The following CYRIB variants were observed in gnomAD, a reference collection of about 807,000 sequenced individuals.
The protein encoded by CYRIB is CYFIP-related Rac1 interactor B.
In CYRIB, 8 loss-of-function variants were observed where a neutral mutation model predicts 44.2. The observed-to-expected ratio is 0.18, with a 90% CI of 0.11 to 0.33. CYRIB has a LOEUF of 0.33. Ranked by LOEUF, CYRIB falls within the 10% of genes least tolerant of loss-of-function variation. The pLI, the probability that CYRIB is intolerant of heterozygous loss-of-function variation, is 1.00. For synonymous variants in CYRIB, 131 were observed against 127.2 expected, an observed-to-expected ratio of 1.03 and a Z score of -0.20; for missense variants, 185 against 382.8, an observed-to-expected ratio of 0.48 and a Z score of 4.31.
chr8:129,914,181 T>G (rs1031590257), intron 1 of CYRIB, among the ~76,000 whole-genome samples: 7 of 152,160 alleles, frequency 4.6e-5, no homozygotes, highest in Non-Finnish European at 1.0e-4. Context: ...AGGAGAGGAT[T>G]TGCCAACAAA....
At chr8:129,873,846 T>C (rs1050452005) in intron 3 of CYRIB, among the ~76,000 whole-genome samples, 22 of 152,004 alleles carry the variant, frequency 1.4e-4, no homozygotes, top group African/African-American at 4.8e-4. Context: ...GATTTAAGTT[T>C]CCCTTTAGGG....
chr8:129,939,216 GGAA>G (rs1313797565), intron 1 of CYRIB, among the ~76,000 whole-genome samples: 2 of 152,084 alleles, frequency 1.3e-5, no homozygotes, highest in East Asian at 3.9e-4. Flanking sequence ...GCCGCGAAGA[GGAA>G]GGAGTGGTGG....
At chr8:129,998,076 G>A (rs576226523) in intron 1 of CYRIB, among the ~76,000 whole-genome samples, 116 of 144,396 alleles carry the variant, frequency 8.0e-4, no homozygotes, top group African/African-American at 2.9e-3. Context: ...AGCTGAGATC[G>A]CTCCACTGCA....
rs1220325800 is a variant in CYRIB at position 130,006,628 on chromosome 8, ACATATATATGTG to A, written c.-296+9730_-296+9741del. ...TATACATATATATGTGTATATATAT[ACATATATATGTG>A]TATATATATACATATATATATGTAT... On this transcript the variant is annotated intron_variant, in intron 1 of 14. Coordinates refer to the CYRIB transcript ENST00000401979. 1.1e-4 allele frequency among the ~76,000 whole-genome samples: 4 copies of A among 35,782 alleles called. 2 individuals carry two copies. The highest frequency in any genetic ancestry group is 2.0e-4 in the Non-Finnish European group (4 of 19,996). The allele number at this position is 35,782 out of a possible 152,430, so 23.5% of individuals were successfully genotyped here.
intron 2 of CYRIB, among the ~76,000 whole-genome samples, chr8:129,965,194 A>G (rs1282333798): frequency 6.6e-6 from 1 of 151,990 alleles, no homozygotes; most frequent in Non-Finnish European, 1.5e-5. Flanking sequence ...CCACCCACCC[A>G]AGACCCACAA....
At chr8:130,002,990 C>T (rs2096941532) in intron 1 of CYRIB, among the ~76,000 whole-genome samples, 1 of 152,206 alleles carries the variant, frequency 6.6e-6, no homozygotes, top group Non-Finnish European at 1.5e-5. Flanking sequence ...CAGCTTCTGC[C>T]TCTAGAGATG....
At chr8:129,855,993 T>C (rs2046028910) in intron 5 of CYRIB, among the ~76,000 whole-genome samples, 1 of 152,234 alleles carries the variant, frequency 6.6e-6, no homozygotes, top group Admixed American at 6.5e-5. Flanking sequence ...TATAATTCTG[T>C]AAACCCAGAT....
intron 2 of CYRIB, among the ~76,000 whole-genome samples, chr8:129,967,941 T>C (rs535984926): frequency 2.8e-4 from 42 of 152,334 alleles, no homozygotes; most frequent in African/African-American, 9.9e-4. Context: ...TACCCATCTC[T>C]TTATCGCTTA....
At chr8:129,892,844 A>G (rs1006962297) in intron 2 of CYRIB, among the ~76,000 whole-genome samples, 1 of 152,234 alleles carries the variant, frequency 6.6e-6, no homozygotes, top group African/African-American at 2.4e-5. Context: ...TGTACACAAT[A>G]TAATACCATT....
chr8:130,013,180 G>C (rs902858019), intron 1 of CYRIB, among the ~76,000 whole-genome samples: 2 of 152,134 alleles, frequency 1.3e-5, no homozygotes, highest in Admixed American at 1.3e-4. Flanking sequence ...ACTATTATAC[G>C]GGGTGTGCAA....
At chr8:130,007,199 G>A (rs1206041474) in intron 1 of CYRIB, among the ~76,000 whole-genome samples, 2 of 152,138 alleles carry the variant, frequency 1.3e-5, no homozygotes, top group African/African-American at 2.4e-5. Flanking sequence ...GATGCCCGCC[G>A]TTATGAGATG....
rs1013640011 is a variant in CYRIB at position 129,850,798 on chromosome 8, A to G, written c.713+37T>C. 7.1e-6 allele frequency: 10 copies of G among 1,406,676 alleles called. No homozygotes were observed. In the African/African-American group the frequency reaches 1.4e-4, roughly 20 times the overall value. 87.1% of individuals were successfully genotyped at this position (1,406,676 alleles called of 1,614,324 possible). Reference sequence around the variant, plus strand: ...GTTTTGAAATATCAGTCATCTCAACAGCACTGTTAAAGTGAAAAAGATCAG... The same window carrying G: ...GTTTTGAAATATCAGTCATCTCAACGGCACTGTTAAAGTGAAAAAGATCAG... On this transcript the variant is annotated intron_variant, in intron 9 of 11. Coordinates refer to ENST00000519824, the Ensembl canonical transcript of CYRIB.
At chr8:130,001,366 G>A (rs1592203630) in intron 1 of CYRIB, among the ~76,000 whole-genome samples, 1 of 151,918 alleles carries the variant, frequency 6.6e-6, no homozygotes, top group African/African-American at 2.4e-5. Flanking sequence ...GAGCCATAAG[G>A]TCACTCACCT....
At chr8:129,944,788 A>C (rs192976685), upstream of CYRIB, among the ~76,000 whole-genome samples, 202 of 152,200 alleles carry the variant, frequency 1.3e-3, 1 homozygote, top group African/African-American at 2.0e-3. Flanking sequence ...GTCTCAAAAA[A>C]AAAAACAAAA....
intron 1 of CYRIB, among the ~76,000 whole-genome samples, chr8:129,980,119 A>G (rs1025609132): frequency 4.7e-5 from 7 of 150,112 alleles, no homozygotes; most frequent in Non-Finnish European, 1.0e-4. Flanking sequence ...ATCATGATCT[A>G]TTGCTTACAT....
At chr8:129,893,924 T>C (rs1421230234) in intron 2 of CYRIB, among the ~76,000 whole-genome samples, 1 of 152,116 alleles carries the variant, frequency 6.6e-6, no homozygotes, top group African/African-American at 2.4e-5. Flanking sequence ...AATACAGTAT[T>C]GTTCTGCTTT....
intron 2 of CYRIB, among the ~76,000 whole-genome samples, chr8:129,967,766 A>C (rs2095543853): frequency 6.6e-6 from 1 of 152,170 alleles, no homozygotes; most frequent in East Asian, 1.9e-4. Context: ...CCTCCTTTGA[A>C]TATTTTGCCC....
intron 1 of CYRIB, among the ~76,000 whole-genome samples, chr8:129,936,365 T>C (rs917083605): frequency 1.2e-4 from 18 of 152,202 alleles, no homozygotes; most frequent in Middle Eastern, 3.2e-3. Flanking sequence ...ACCTACACAT[T>C]ACAGAGTTGT....
At chr8:129,896,681 G>A (rs2068239672) in intron 2 of CYRIB, 1 of 152,338 alleles carries the variant, frequency 6.6e-6, no homozygotes, top group Non-Finnish European at 1.5e-5. Context: ...CCTCCCCAGA[G>A]TGAGAGTCTC....
Sources: gnomAD v4.1 joint callset for allele counts (sites outside exome capture counted in the v4.1 genomes callset) on GRCh38, gnomAD v4.1.1 for gene constraint, MANE v1.5 for transcripts, NCBI Gene and HGNC (gene_info 2026-07-23, HGNC 2026-07-21) for gene names.